DNAH6: variants seen among roughly 807,000 people sequenced by gnomAD.
DNAH6 encodes the protein dynein axonemal heavy chain 6, also known as axonemal beta dynein heavy chain 6.
Under a neutral mutation model 491.4 loss-of-function variants are expected in DNAH6, and 340 were observed. That is an observed-to-expected ratio of 0.69 (90% CI 0.63 to 0.76). The LOEUF (loss-of-function observed/expected upper bound fraction) is 0.76. Among genes scored for constraint, DNAH6 ranks in the 30% least tolerant of loss-of-function variants. The probability of loss-of-function intolerance (pLI) is 0.00; values close to 1 mark genes in which losing one functional copy is unlikely to be tolerated. For synonymous variants in DNAH6, 1,603 were observed against 1,686.1 expected (o/e 0.95, Z 1.21); for missense variants, 4,443 against 4,972.2 (o/e 0.89, Z 3.20).
chr2:84,767,016 G>A lies in DNAH6; in HGVS notation c.10703+4071G>A, dbSNP rs1028792399. Among the ~76,000 whole-genome samples, 5 of 152,180 alleles carry A rather than the reference G, an allele frequency of 3.3e-5. 1 individual carries two copies. In the East Asian group the frequency reaches 9.7e-4, roughly 29 times the overall value. ...CCAGAAAACATAAATCTTATCTGGGGGAACAGAAAATTTTAGCTGCACAAG... is the reference window on the plus strand; with the variant it reads ...CCAGAAAACATAAATCTTATCTGGGAGAACAGAAAATTTTAGCTGCACAAG... On this transcript the variant is annotated intron_variant, in intron 64 of 76. Transcript: ENST00000389394.
the DNAH6 span, among the ~76,000 whole-genome samples, chr2:84,506,419 G>GT: frequency 6.6e-6 from 1 of 151,984 alleles, no homozygotes; most frequent in African/African-American, 2.4e-5. Flanking sequence ...GGGGTTGTTT[G>GT]TTTTTTTCTT....
At chr2:84,658,929 G>A in intron 36 of DNAH6, 97 bp from the exon 37 acceptor site, 1 of 747,744 alleles carries the variant, frequency 1.3e-6, no homozygotes. Context: ...AAATGTGTGA[G>A]TCTAAATGAA....
rs931326744 is a variant in DNAH6, at chr2:84,521,186, T to C, written c.225+3135T>C. 3.3e-5 allele frequency among the ~76,000 whole-genome samples: 5 copies of C among 152,282 alleles called. No homozygotes were observed. In the East Asian group the frequency reaches 9.6e-4, roughly 29 times the overall value. Reference sequence around the variant, plus strand: ...CCATTCTGACTGGTATGAGATGGTATCTCATTGTGGTTTTGATTTGCGTTT... The same window carrying C: ...CCATTCTGACTGGTATGAGATGGTACCTCATTGTGGTTTTGATTTGCGTTT... On this transcript the variant is annotated intron_variant, in intron 2 of 76. Transcript: ENST00000389394.
At chr2:84,788,685 G>A (rs1677455121) in intron 68 of DNAH6, among the ~76,000 whole-genome samples, 1 of 152,198 alleles carries the variant, frequency 6.6e-6, no homozygotes, top group South Asian at 2.1e-4. Flanking sequence ...GAAGGGAGCA[G>A]AGCCTTTATC....
chr2:84,678,559 G>A (rs969873334), intron 41 of DNAH6, among the ~76,000 whole-genome samples: 5 of 151,972 alleles, frequency 3.3e-5, no homozygotes, highest in East Asian at 1.9e-4. Flanking sequence ...CAAAAACATC[G>A]TTCTTCATCA....
At chr2:84,705,976 TG>T (rs745938185) in intron 52 of DNAH6, among the ~76,000 whole-genome samples, 12 of 152,122 alleles carry the variant, frequency 7.9e-5, no homozygotes, top group Non-Finnish European at 1.6e-4. Context: ...TATATTCATC[TG>T]AAAAAAAAGG....
In DNAH6 at chr2:84,816,059, C is replaced by T. The variant is rs1036182912; in HGVS notation, c.12349C>T (p.Arg4117Trp). ...YHCPLYKTGA[R>W]AGTLSTTGHS... is the part of the protein sequence containing the mutation. ...CTGCCCACTTTATAAAACAGGAGCCCGGGCAGGAACACTCTCAACCACAGG... is the reference window on the plus strand; with the variant it reads ...CTGCCCACTTTATAAAACAGGAGCCTGGGCAGGAACACTCTCAACCACAGG... Residue 4117 changes from arginine to tryptophan, a missense_variant, in exon 76 of 77, where the codon CGG (arginine) becomes TGG (tryptophan). By Grantham distance (101) the Arg-to-Trp change is moderately radical. Around this residue, in one of 3 missense-constraint regions of DNAH6, gnomAD observed 1,463 missense variants for 1,656.6 expected, o/e 0.88. Transcript: ENST00000389394. 9.7e-6 allele frequency: 15 copies of T among 1,551,188 alleles called. No homozygotes were observed. The highest frequency in any genetic ancestry group is 1.7e-4 in the Middle Eastern group (1 of 6,012).
At chr2:84,810,357 C>G (rs930564289) in intron 72 of DNAH6, among the ~76,000 whole-genome samples, 8 of 152,192 alleles carry the variant, frequency 5.3e-5, no homozygotes, top group Non-Finnish European at 5.9e-5. Context: ...AAATGTGACT[C>G]TCAGGTCTCC....
intron 11 of DNAH6, among the ~76,000 whole-genome samples, chr2:84,560,779 C>T (rs928986749): frequency 2.6e-5 from 4 of 152,072 alleles, no homozygotes; most frequent in African/African-American, 4.8e-5. Flanking sequence ...TCCCTACAAA[C>T]GACATCAACT....
At chr2:84,536,232 T>G (rs1478952944) in intron 4 of DNAH6, among the ~76,000 whole-genome samples, 1 of 152,028 alleles carries the variant, frequency 6.6e-6, no homozygotes, top group Admixed American at 6.6e-5. Context: ...TTGGGAAGTA[T>G]TTTGCAAATG....
intron 10 of DNAH6, among the ~76,000 whole-genome samples, chr2:84,555,021 T>C (rs949137403): frequency 6.6e-6 from 1 of 152,234 alleles, no homozygotes; most frequent in African/African-American, 2.4e-5. Context: ...TGTCTATTCA[T>C]ACCAAAATAA....
chr2:84,547,638 T>G, intron 7 of DNAH6, 26 bp downstream of exon 7: 1 of 1,540,298 alleles, frequency 6.5e-7, no homozygotes, highest in Non-Finnish European at 8.8e-7. Flanking sequence ...AACCTCAATA[T>G]ATCAGAAGTG....
In DNAH6 at chr2:84,624,610, C is replaced by T. The variant is rs767863917; in HGVS notation, c.4343C>T (p.Thr1448Ile). ...YLGACPRLVI[T>I]PLTDRCYLCL... Reference sequence around the variant, plus strand: ...GGTGCATGCCCAAGATTGGTTATTACTCCACTCACAGTAAGTTATTGATCA... The same window carrying T: ...GGTGCATGCCCAAGATTGGTTATTATTCCACTCACAGTAAGTTATTGATCA... Residue 1448 changes from threonine (T) to isoleucine (I), a missense_variant, in exon 28 of 77, where the codon ACT (threonine) becomes ATT (isoleucine). Physicochemically the swap from Thr to Ile is moderately conservative, Grantham distance 89 (BLOSUM62 -1). Transcript: ENST00000389394. The T allele has an allele frequency of 2.6e-6, 4 of 1,551,384 alleles. No homozygotes were observed. In the South Asian group the frequency reaches 4.8e-5, roughly 18 times the overall value.
intron 49 of DNAH6, among the ~76,000 whole-genome samples, chr2:84,702,035 A>C (rs1007765473): frequency 6.6e-6 from 1 of 152,208 alleles, no homozygotes; most frequent in African/African-American, 2.4e-5. Flanking sequence ...CATCAAAGTT[A>C]TGCAGTGAAC....
At chr2:84,562,317 C>A (rs902533258) in intron 11 of DNAH6, among the ~76,000 whole-genome samples, 2 of 151,886 alleles carry the variant, frequency 1.3e-5, no homozygotes, top group African/African-American at 2.4e-5. Flanking sequence ...AAGCTGGAAC[C>A]AAATATATCA....
chr2:84,595,552 T>A (rs1684497371), intron 17 of DNAH6, 94 bp from the exon 18 acceptor site: 3 of 1,140,260 alleles, frequency 2.6e-6, no homozygotes. Context: ...ATAGTGTAGA[T>A]TTGGATTAAC....
intron 72 of DNAH6, 51 bp from the exon 73 acceptor site, chr2:84,812,289 CA>C: frequency 6.7e-7 from 1 of 1,492,122 alleles, no homozygotes; most frequent in Non-Finnish European, 9.1e-7. Flanking sequence ...GTGTCACTGA[CA>C]CTGGATAATG....
intron 34 of DNAH6, 25 bp from the exon 35 acceptor site, chr2:84,654,635 C>A (rs1403941878): frequency 2.6e-6 from 4 of 1,549,710 alleles, no homozygotes; most frequent in Admixed American, 3.9e-5. Flanking sequence ...TTAGCTGTTT[C>A]CTGTTCAATT....
rs1695183508 is a variant in DNAH6 at position 84,694,427 on chromosome 2, A to G, written c.7471A>G (p.Lys2491Glu). The change falls in exon 46 of 77, where the codon AAA (lysine) becomes GAA (glutamate). Residue 2491 changes from lysine (K) to glutamate (E), a missense_variant. Around this residue, in one of 3 missense-constraint regions of DNAH6, gnomAD observed 2,977 missense variants for 3,296.6 expected, o/e 0.90. Transcript: ENST00000389394. ...TCATGAAGACCTGAGGAAGTTGTAC[A>G]AAATGGCTGGTGTAGAAGACAAGAA... ...SFHEDLRKLY[K>E]MAGVEDKNMV... 6.4e-7 allele frequency: 1 copy of G among 1,552,120 alleles called. No individual in the cohort carries two copies. Among genetic ancestry groups the G allele is most frequent in the Non-Finnish European group, 8.7e-7 (1 of 1,147,124 alleles).
Sources: gnomAD v4.1 joint callset for allele counts (sites outside exome capture counted in the v4.1 genomes callset) on GRCh38, gnomAD v4.1.1 for gene constraint, gnomAD v4.1.1 regional missense constraint, MANE v1.5 for transcripts, NCBI Gene and HGNC (gene_info 2026-07-23, HGNC 2026-07-21) for gene names.